Variants in MAGEE1 observed in about 807,000 individuals in gnomAD.
The protein encoded by MAGEE1 is melanoma-associated antigen E1.
A neutral mutation model predicts 12.0 loss-of-function variants in MAGEE1; 3 were observed. That is an observed-to-expected ratio of 0.25 (90% CI 0.11 to 0.65). MAGEE1 has a LOEUF of 0.65. Ranked by LOEUF, MAGEE1 falls within the 30% of genes least tolerant of loss-of-function variation. The pLI is 0.84. For synonymous variants in MAGEE1, 414 were observed against 326.1 expected (o/e 1.27, Z -2.91); for missense variants, 729 against 772.2 (o/e 0.94, Z 0.66).
chrX:76,428,160 G>A lies in MAGEE1; in HGVS notation c.230G>A (p.Ser77Asn), dbSNP rs1556839148. 1 of 1,205,844 alleles carries A rather than the reference G, an allele frequency of 8.3e-7. No homozygotes were observed. Among genetic ancestry groups the A allele is most frequent in the Admixed American group, 2.2e-5 (1 of 45,311 alleles). The change falls in exon 1 of 1, where the codon AGC becomes AAC. Residue 77 changes from serine (S) to asparagine (N), a missense_variant. Around this residue, in one of 4 missense-constraint regions of MAGEE1, gnomAD observed 473 missense variants for 423.7 expected, o/e 1.12. Transcript: ENST00000361470. ...CTGCCCACCTCCGCTGAGGGCCCAA[G>A]CACCTTTGTGCCGCCCACCATCTCT... ...SVLPTSAEGP[S>N]TFVPPTISEA...
Position 76,429,037 on chromosome X carries a change from G to C in MAGEE1, c.1107G>C (p.Pro369=). The change falls in exon 1 of 1, where the codon CCG becomes CCC. Residue 369 remains proline, a synonymous_variant. Coordinates refer to ENST00000361470, the MANE Select transcript of MAGEE1 (RefSeq NM_020932.3). Reference sequence around the variant, plus strand: ...GTGAGGGACTGAGCACCTCTGTGCCGCCCACCGCCTCTGATGGATCGGACA... The same window carrying C: ...GTGAGGGACTGAGCACCTCTGTGCCCCCCACCGCCTCTGATGGATCGGACA... ...IPGEGLSTSV[P]PTASDGSDTS... The C allele has an allele frequency of 8.3e-7, 1 of 1,211,270 alleles. No homozygotes were observed.
Position 76,428,851 on chromosome X carries a change from C to G in MAGEE1, c.921C>G (p.Ser307=), listed in dbSNP as rs1556839485. 8 of 1,210,387 alleles carry G rather than the reference C, an allele frequency of 6.6e-6. No individual in the cohort carries two copies. The East Asian group carries it at 2.4e-4, about 36-fold the overall frequency. The change falls in exon 1 of 1, where the codon TCC becomes TCG. Residue 307 remains serine (S), a synonymous_variant. Transcript: ENST00000361470. Reference sequence around the variant, plus strand: ...CCGCCACCGAGGGCCTGAGCACCTCCGTGCAGCCCACTGCTGGTGAGGGAT... The same window carrying G: ...CCGCCACCGAGGGCCTGAGCACCTCGGTGCAGCCCACTGCTGGTGAGGGAT... ...PPTATEGLST[S]VQPTAGEGSS... is the part of the protein sequence containing the mutation.
chrX:76,430,045 T>A lies in MAGEE1; in HGVS notation c.2115T>A (p.Ala705=). Residue 705 remains alanine (A), a synonymous_variant, in exon 1 of 1, where the codon GCT becomes GCA. Coordinates refer to ENST00000361470, the MANE Select transcript of MAGEE1 (RefSeq NM_020932.3). ...AARAFAEGWQ[A]LPHFRRPFFE... ...GAGCCTTTGCTGAGGGTTGGCAGGC[T>A]CTCCCTCACTTTAGGAGGCCCTTTT... 1 of 1,208,766 alleles carries A rather than the reference T, an allele frequency of 8.3e-7. No individual in the cohort carries two copies. Among genetic ancestry groups the A allele is most frequent in the Non-Finnish European group, 1.1e-6 (1 of 893,870 alleles).
At position 76,428,258 on chromosome X, in the gene MAGEE1, G is replaced by A. The variant is rs1556839171; in HGVS notation, c.328G>A (p.Glu110Lys). The A allele has an allele frequency of 1.7e-6, 2 of 1,212,121 alleles. No homozygotes were observed. The highest frequency in any genetic ancestry group is 4.3e-5 in the Admixed American group (2 of 46,171). The change falls in exon 1 of 1, where the codon GAG becomes AAG. Residue 110 changes from glutamate (E) to lysine (K), a missense_variant. This residue lies in a region of MAGEE1 where 473 missense variants were observed against 423.7 expected (regional missense o/e 1.12). Coordinates refer to ENST00000361470, the MANE Select transcript of MAGEE1 (RefSeq NM_020932.3). ...PGTSVLPTPS[E>K]GLSTSGPPTI... is the part of the protein sequence containing the mutation. ...CACCTCCGTGCTGCCCACCCCCAGTGAGGGCCTAAGCACCTCCGGGCCTCC... is the reference window on the plus strand; with the variant it reads ...CACCTCCGTGCTGCCCACCCCCAGTAAGGGCCTAAGCACCTCCGGGCCTCC...
Position 76,428,232 on chromosome X carries a change from G to A in MAGEE1, c.302G>A (p.Gly101Asp), listed in dbSNP as rs1245271606. 1.7e-6 allele frequency: 2 copies of A among 1,210,838 alleles called. No homozygotes were observed. Among genetic ancestry groups the A allele is most frequent in the African/African-American group, 3.5e-5 (2 of 57,592 alleles). The change falls in exon 1 of 1, where the codon GGC (glycine) becomes GAC (aspartate). Residue 101 changes from glycine (G) to aspartate (D), a missense_variant. Physicochemically the swap from Gly to Asp is moderately conservative, Grantham distance 94 (BLOSUM62 -1). Around this residue, in one of 4 missense-constraint regions of MAGEE1, gnomAD observed 473 missense variants for 423.7 expected, o/e 1.12. Coordinates refer to ENST00000361470, the MANE Select transcript of MAGEE1 (RefSeq NM_020932.3). ...SGQPTISEGP[G>D]TSVLPTPSEG... ...CAGCCCACCATCTCTGAGGGACCTG[G>A]CACCTCCGTGCTGCCCACCCCCAGT...
chrX:76,429,095 A>T lies in MAGEE1; in HGVS notation c.1165A>T (p.Ser389Cys), dbSNP rs1556839598. The change falls in exon 1 of 1, where the codon AGC (serine) becomes TGC (cysteine). Residue 389 changes from serine to cysteine, a missense_variant. Ser to Cys is a moderately radical substitution (Grantham distance 112, BLOSUM62 -1). Transcript: ENST00000361470. Reference sequence around the variant, plus strand: ...GCCGCCCACTCCTGGTGAGGGCGCAAGCACCTTAGTGCAGCCCACCGCCCC... The same window carrying T: ...GCCGCCCACTCCTGGTGAGGGCGCATGCACCTTAGTGCAGCCCACCGCCCC... ...SVPPTPGEGA[S>C]TLVQPTAPDG... 8.3e-7 allele frequency: 1 copy of T among 1,211,736 alleles called. No homozygotes were observed. The highest frequency in any genetic ancestry group is 3.0e-5 in the East Asian group (1 of 33,826).
rs1923239647 is a variant in MAGEE1, at chrX:76,427,808, C to T, written c.-123C>T. ...CTTGGAACTTTGGTTCTGGCAGCAG[C>T]AGCAACATCATTACCGCTAGCGGCA... On this transcript the variant is annotated 5_prime_UTR_variant, in exon 1 of 1. Transcript: ENST00000361470. The T allele has an allele frequency of 2.5e-6, 2 of 803,407 alleles. No individual in the cohort carries two copies. The highest frequency in any genetic ancestry group is 2.1e-5 in the African/African-American group (1 of 48,378). 66.2% of individuals were successfully genotyped at this position (803,407 alleles called of 1,213,427 possible). A position where few individuals can be genotyped will look rare whatever the true frequency, so the allele number is the denominator to read the frequency against.
At position 76,429,671 on chromosome X, in the gene MAGEE1, A is replaced by G. The variant is rs1923334957; in HGVS notation, c.1741A>G (p.Met581Val). 8.3e-7 allele frequency: 1 copy of G among 1,208,359 alleles called. No individual in the cohort carries two copies. The highest frequency in any genetic ancestry group is 1.8e-5 in the African/African-American group (1 of 56,899). ...AGAAGAGAGCCCAAATGGGCCAAAGATGGGCCTCCTGATGATGATTCTAGG... is the reference window on the plus strand; with the variant it reads ...AGAAGAGAGCCCAAATGGGCCAAAGGTGGGCCTCCTGATGATGATTCTAGG... ...GLEESPNGPK[M>V]GLLMMILGQI... Residue 581 changes from methionine to valine, a missense_variant, in exon 1 of 1, where the codon ATG becomes GTG. Physicochemically the swap from Met to Val is conservative, Grantham distance 21. Around this residue, in one of 4 missense-constraint regions of MAGEE1, gnomAD observed 91 missense variants for 133.8 expected, o/e 0.68. Transcript: ENST00000361470.
Position 76,429,034 on chromosome X carries a change from G to A in MAGEE1, c.1104G>A (p.Val368=). The change falls in exon 1 of 1, where the codon GTG becomes GTA. Residue 368 remains valine, a synonymous_variant. Coordinates refer to ENST00000361470, the MANE Select transcript of MAGEE1 (RefSeq NM_020932.3). The stretch of plus-strand genomic sequence containing the variant: ...CCGGTGAGGGACTGAGCACCTCTGT[G>A]CCGCCCACCGCCTCTGATGGATCGG... ...PIPGEGLSTS[V]PPTASDGSDT... is the part of the protein sequence containing the mutation. The A allele has an allele frequency of 2.5e-6, 3 of 1,211,661 alleles. No homozygotes were observed. Among genetic ancestry groups the A allele is most frequent in the Non-Finnish European group, 3.4e-6 (3 of 895,461 alleles).
In MAGEE1 at chrX:76,428,794, C is replaced by A. The variant is rs782817375; in HGVS notation, c.864C>A (p.Arg288=). The change falls in exon 1 of 1, where the codon CGC becomes CGA. Residue 288 remains arginine (R), a synonymous_variant. Coordinates refer to ENST00000361470, the MANE Select transcript of MAGEE1 (RefSeq NM_020932.3). ...AAAGCATCTCCTTGGTGCCCACCCGCGGTAAGGGATCAAGCACCTCCGTGC... is the reference window on the plus strand; with the variant it reads ...AAAGCATCTCCTTGGTGCCCACCCGAGGTAAGGGATCAAGCACCTCCGTGC... ...DGQSISLVPT[R]GKGSSTSVPP... is the part of the protein sequence containing the mutation. 3.3e-6 allele frequency: 4 copies of A among 1,204,479 alleles called. No individual in the cohort carries two copies. Among genetic ancestry groups the A allele is most frequent in the Non-Finnish European group, 4.5e-6 (4 of 893,217 alleles).
chrX:76,428,484 G>A lies in MAGEE1; in HGVS notation c.554G>A (p.Ser185Asn). Residue 185 changes from serine to asparagine, a missense_variant, in exon 1 of 1, where the codon AGC (serine) becomes AAC (asparagine). Ser to Asn is a conservative substitution (Grantham distance 46, BLOSUM62 1). Transcript: ENST00000361470. ...CCGCCCACAGCCTATGAGGGACCAA[G>A]CACCTCCGTGGTGCCCACCCCTGAT... is the stretch of plus-strand genomic sequence containing the variant. ...SVPPTAYEGP[S>N]TSVVPTPDEG... 5.0e-6 allele frequency: 6 copies of A among 1,210,378 alleles called. No individual in the cohort carries two copies. The highest frequency in any genetic ancestry group is 6.7e-6 in the Non-Finnish European group (6 of 894,978).
Position 76,428,772 on chromosome X carries a change from G to A in MAGEE1, c.842G>A (p.Ser281Asn). The A allele has an allele frequency of 8.3e-7, 1 of 1,209,791 alleles. No individual in the cohort carries two copies. The highest frequency in any genetic ancestry group is 1.1e-6 in the Non-Finnish European group (1 of 894,968). ...CTGCCCGCCGCCTCTGACGGACAAA[G>A]CATCTCCTTGGTGCCCACCCGCGGT... is the stretch of plus-strand genomic sequence containing the variant. ...SVLPAASDGQ[S>N]ISLVPTRGKG... The change falls in exon 1 of 1, where the codon AGC (serine) becomes AAC (asparagine). Residue 281 changes from serine to asparagine, a missense_variant. Transcript: ENST00000361470.
Position 76,429,390 on chromosome X carries a change from C to T in MAGEE1, c.1460C>T (p.Pro487Leu), listed in dbSNP as rs143682541. 6.3e-4 allele frequency: 766 copies of T among 1,209,823 alleles called. No homozygotes were observed. The highest frequency in any genetic ancestry group is 8.1e-4 in the Non-Finnish European group (728 of 895,228). Reference protein sequence around the residue: ...NTSRVAITLKPQDPMEQNVAE... With the variant: ...NTSRVAITLKLQDPMEQNVAE... ...TCCCGGGTTGCAATTACCCTGAAGCCCCAAGACCCTATGGAACAGAACGTA... is the reference window on the plus strand; with the variant it reads ...TCCCGGGTTGCAATTACCCTGAAGCTCCAAGACCCTATGGAACAGAACGTA... Residue 487 changes from proline (P) to leucine (L), a missense_variant, in exon 1 of 1, where the codon CCC becomes CTC. Physicochemically the swap from Pro to Leu is moderately conservative, Grantham distance 98 (BLOSUM62 -3). Around this residue, in one of 4 missense-constraint regions of MAGEE1, gnomAD observed 473 missense variants for 423.7 expected, o/e 1.12. Coordinates refer to ENST00000361470, the MANE Select transcript of MAGEE1 (RefSeq NM_020932.3).
At position 76,430,091 on chromosome X, in the gene MAGEE1, G is replaced by A. The variant is rs200871229; in HGVS notation, c.2161G>A (p.Val721Ile). The change falls in exon 1 of 1, where the codon GTA (valine) becomes ATA (isoleucine). Residue 721 changes from valine to isoleucine, a missense_variant. Val to Ile is a conservative substitution (Grantham distance 29, BLOSUM62 3). Transcript: ENST00000361470. The part of the protein sequence containing the change: ...RPFFEEAAAE[V>I]PSPDSEVSSY... Reference sequence around the variant, plus strand: ...CTTTTTTGAGGAAGCTGCTGCAGAGGTACCATCCCCTGATTCAGAGGTTTC... The same window carrying A: ...CTTTTTTGAGGAAGCTGCTGCAGAGATACCATCCCCTGATTCAGAGGTTTC... The A allele has an allele frequency of 4.1e-6, 5 of 1,209,678 alleles. No homozygotes were observed. Among genetic ancestry groups the A allele is most frequent in the Non-Finnish European group, 5.6e-6 (5 of 895,086 alleles).
chrX:76,428,941 T>A lies in MAGEE1; in HGVS notation c.1011T>A (p.Thr337=). ...GLSTSVPPTA[T]EELSTSVPPT... is the part of the protein sequence containing the mutation. Reference sequence around the variant, plus strand: ...GCACCTCCGTGCCGCCCACCGCCACTGAGGAGTTGAGCACCTCCGTGCCGC... The same window carrying A: ...GCACCTCCGTGCCGCCCACCGCCACAGAGGAGTTGAGCACCTCCGTGCCGC... The change falls in exon 1 of 1, where the codon ACT becomes ACA. Residue 337 remains threonine, a synonymous_variant. Transcript: ENST00000361470. 5.8e-6 allele frequency: 7 copies of A among 1,208,272 alleles called. No individual in the cohort carries two copies. The highest frequency in any genetic ancestry group is 6.7e-6 in the Non-Finnish European group (6 of 894,607).
Position 76,429,799 on chromosome X carries a change from C to T in MAGEE1, c.1869C>T (p.Asn623=). Residue 623 remains asparagine (N), a synonymous_variant, in exon 1 of 1, where the codon AAC becomes AAT. Transcript: ENST00000361470. ...QRERRLSIFG[N]PKRLLSVEFV... ...AAAGGAGGCTTTCCATTTTTGGGAA[C>T]CCAAAGAGACTTCTGTCTGTGGAGT... is the stretch of plus-strand genomic sequence containing the variant. 8.3e-7 allele frequency: 1 copy of T among 1,211,303 alleles called. No individual in the cohort carries two copies. The highest frequency in any genetic ancestry group is 1.1e-6 in the Non-Finnish European group (1 of 895,436).
chrX:76,430,328 A>G lies in MAGEE1; in HGVS notation c.2398A>G (p.Thr800Ala), dbSNP rs781960739. Residue 800 changes from threonine (T) to alanine (A), a missense_variant, in exon 1 of 1, where the codon ACA becomes GCA. By Grantham distance (58) the Thr-to-Ala change is moderately conservative (BLOSUM62 0). Coordinates refer to ENST00000361470, the MANE Select transcript of MAGEE1 (RefSeq NM_020932.3). Reference sequence around the variant, plus strand: ...CCGCACCCTGAACCATGTCTATGGGACAGAACTAGTGGTACTTGATCCCAG... The same window carrying G: ...CCGCACCCTGAACCATGTCTATGGGGCAGAACTAGTGGTACTTGATCCCAG... ...AARTLNHVYGTELVVLDPRNH... is the reference protein window; with the variant it reads ...AARTLNHVYGAELVVLDPRNH... 8.3e-7 allele frequency: 1 copy of G among 1,212,061 alleles called. No individual in the cohort carries two copies. Among genetic ancestry groups the G allele is most frequent in the Admixed American group, 2.2e-5 (1 of 46,114 alleles).
chrX:76,429,249 A>G lies in MAGEE1; in HGVS notation c.1319A>G (p.Lys440Arg). 1 of 1,211,753 alleles carries G rather than the reference A, an allele frequency of 8.3e-7. No individual in the cohort carries two copies. The highest frequency in any genetic ancestry group is 1.1e-6 in the Non-Finnish European group (1 of 895,415). The change falls in exon 1 of 1, where the codon AAG becomes AGG. Residue 440 changes from lysine (K) to arginine (R), a missense_variant. By Grantham distance (26) the Lys-to-Arg change is conservative (BLOSUM62 2). Transcript: ENST00000361470. ...SLVLPSPRVT[K>R]ASVDSDSEGP... ...GTTTTGCCAAGCCCTAGGGTAACCA[A>G]GGCCTCCGTGGACTCAGATTCTGAG...
In MAGEE1 at chrX:76,428,934, C is replaced by A. The variant is rs782435141; in HGVS notation, c.1004C>A (p.Thr335Asn). The A allele has an allele frequency of 1.7e-6, 2 of 1,208,477 alleles. No homozygotes were observed. The highest frequency in any genetic ancestry group is 2.2e-6 in the Non-Finnish European group (2 of 894,672). ...GGACTGAGCACCTCCGTGCCGCCCA[C>A]CGCCACTGAGGAGTTGAGCACCTCC... ...GGGLSTSVPP[T>N]ATEELSTSVP... The change falls in exon 1 of 1, where the codon ACC becomes AAC. Residue 335 changes from threonine (T) to asparagine (N), a missense_variant. Thr to Asn is a moderately conservative substitution (Grantham distance 65). This residue lies in a region of MAGEE1 where 473 missense variants were observed against 423.7 expected (regional missense o/e 1.12). Transcript: ENST00000361470.
Sources: allele counts gnomAD v4.1 joint callset, GRCh38; gene constraint gnomAD v4.1.1; regional missense constraint gnomAD v4.1.1; transcripts MANE v1.5; gene names NCBI Gene and HGNC (gene_info 2026-07-23, HGNC 2026-07-21).